CNTN1: variants seen among roughly 807,000 people sequenced by gnomAD.
The protein encoded by CNTN1 is contactin 1, also known as contactin-1.
Under a neutral mutation model 126.4 loss-of-function variants are expected in CNTN1, and 38 were observed. The observed-to-expected ratio is 0.30, with a 90% CI of 0.23 to 0.39. CNTN1 has a LOEUF of 0.39. Among genes scored for constraint, CNTN1 ranks in the 10% least tolerant of loss-of-function variants. The pLI, the probability that CNTN1 is intolerant of heterozygous loss-of-function variation, is 1.00. For synonymous variants in CNTN1, 413 were observed against 422.6 expected, an observed-to-expected ratio of 0.98 and a Z score of 0.28; for missense variants, 1,009 against 1,248.4, an observed-to-expected ratio of 0.81 and a Z score of 2.89.
At chr12:41,048,156 T>C (rs1029615420) in intron 23 of CNTN1, among the ~76,000 whole-genome samples, 2 of 152,190 alleles carry the variant, frequency 1.3e-5, no homozygotes, top group East Asian at 1.9e-4. Context: ...GCCTACACTT[T>C]CATGGCTAAA....
At position 40,865,432 on chromosome 12, in the gene CNTN1, A is replaced by G. The variant is rs562554122; in HGVS notation, c.-76-42925A>G. Among the ~76,000 whole-genome samples, 8 of 152,232 alleles carry G rather than the reference A, an allele frequency of 5.3e-5. No homozygotes were observed. In the East Asian group the frequency reaches 1.3e-3, roughly 26 times the overall value. The stretch of plus-strand genomic sequence containing the variant: ...GAAATTTTGGCCTAACTCGTGGTCA[A>G]AGATTTACTCCTATGCTTTCTTCCA... On this transcript the variant is annotated intron_variant, in intron 1 of 23. Coordinates refer to ENST00000551295, the MANE Select transcript of CNTN1 (RefSeq NM_001843.4).
chr12:40,955,465 G>T (rs1388852972), intron 14 of CNTN1, among the ~76,000 whole-genome samples: 1 of 151,834 alleles, frequency 6.6e-6, no homozygotes, highest in Non-Finnish European at 1.5e-5. Flanking sequence ...TATCATTCCT[G>T]GTAGTTTATC....
At chr12:40,693,111 A>G (rs997020929) in intron 1 of CNTN1, among the ~76,000 whole-genome samples, 4 of 151,918 alleles carry the variant, frequency 2.6e-5, no homozygotes, top group African/African-American at 9.7e-5. Flanking sequence ...TTGTCCCCTG[A>G]CCCCTCTGTT....
chr12:41,056,944 T>TTTAGATATTTATAAATATTATA (rs1949822038), intron 23 of CNTN1, among the ~76,000 whole-genome samples: 4 of 90,148 alleles, frequency 4.4e-5, no homozygotes, highest in Admixed American at 2.4e-4. Flanking sequence ...TAAATATTTA[T>TTTAGATATTTATAAATATTATA]AATATTTAGA....
chr12:40,918,879 G>A, intron 4 of CNTN1, 108 bp downstream of exon 4: 2 of 1,337,984 alleles, frequency 1.5e-6, no homozygotes, highest in East Asian at 4.6e-5. Flanking sequence ...CAAATTCCAT[G>A]GACATTAACA....
At chr12:41,027,694 TG>T (rs1447389032) in intron 21 of CNTN1, among the ~76,000 whole-genome samples, 162 bp from the exon 22 acceptor site, 1 of 152,150 alleles carries the variant, frequency 6.6e-6, no homozygotes, top group Admixed American at 6.5e-5. Context: ...AATGGACTCA[TG>T]GATGTAAAGT....
chr12:41,049,070 C>T (rs1301292762), intron 23 of CNTN1, among the ~76,000 whole-genome samples: 1 of 152,184 alleles, frequency 6.6e-6, no homozygotes, highest in Admixed American at 6.6e-5. Flanking sequence ...GCCACTTTCT[C>T]TTTCTTGGCT....
intron 20 of CNTN1, among the ~76,000 whole-genome samples, chr12:41,021,580 G>A (rs191207422): frequency 1.3e-5 from 2 of 150,912 alleles, no homozygotes; most frequent in East Asian, 2.0e-4. Flanking sequence ...TTTCTGAGAT[G>A]TAGCTGTAAA....
chr12:40,950,274 A>G (rs906087060), intron 14 of CNTN1, among the ~76,000 whole-genome samples: 4 of 152,166 alleles, frequency 2.6e-5, no homozygotes, highest in Admixed American at 2.0e-4. Context: ...TAAAAAAGAG[A>G]CTTAGCAATA....
intron 1 of CNTN1, among the ~76,000 whole-genome samples, chr12:40,835,703 CA>C (rs1277634604): frequency 6.6e-6 from 1 of 151,856 alleles, no homozygotes; most frequent in East Asian, 1.9e-4. Context: ...ATATTCTTTT[CA>C]AGTGAATTTT....
intron 1 of CNTN1, among the ~76,000 whole-genome samples, chr12:40,781,723 T>C (rs1180029449): frequency 2.0e-5 from 3 of 151,990 alleles, no homozygotes; most frequent in African/African-American, 7.2e-5. Context: ...CAAGTGAATA[T>C]AGCAGAATAA....
intron 1 of CNTN1, among the ~76,000 whole-genome samples, chr12:40,902,961 GAA>G (rs1944662137): frequency 6.6e-6 from 1 of 152,152 alleles, no homozygotes; most frequent in African/African-American, 2.4e-5. Flanking sequence ...ACAAGTAGAG[GAA>G]GAGAGAAGGA....
chr12:40,986,974 A>T (rs948965692), intron 16 of CNTN1, among the ~76,000 whole-genome samples: 2 of 152,078 alleles, frequency 1.3e-5, no homozygotes, highest in Non-Finnish European at 2.9e-5. Context: ...TTCTTTCATC[A>T]CTGTTCTACC....
At chr12:40,937,073 C>T (rs376523527) in intron 10 of CNTN1, among the ~76,000 whole-genome samples, 168 bp downstream of exon 10, 1 of 152,146 alleles carries the variant, frequency 6.6e-6, no homozygotes, top group East Asian at 1.9e-4. Flanking sequence ...TATCTTCTTT[C>T]AGTTTAAACA....
intron 3 of CNTN1, among the ~76,000 whole-genome samples, chr12:40,911,733 G>T (rs779610485): frequency 3.9e-4 from 59 of 152,008 alleles, no homozygotes; most frequent in Non-Finnish European, 2.9e-4. Flanking sequence ...GAGCATGCTT[G>T]TTTTTTTTCT....
intron 16 of CNTN1, among the ~76,000 whole-genome samples, chr12:40,986,546 A>G (rs763026701): frequency 2.0e-5 from 3 of 152,162 alleles, no homozygotes; most frequent in Non-Finnish European, 4.4e-5. Flanking sequence ...TGGACCCCAC[A>G]GAGGGCTCTT....
intron 1 of CNTN1, among the ~76,000 whole-genome samples, chr12:40,889,636 T>C (rs1944171331): frequency 6.6e-6 from 1 of 152,110 alleles, no homozygotes; most frequent in South Asian, 2.1e-4. Flanking sequence ...GTAATACTCA[T>C]CCTTAAAGAA....
intron 1 of CNTN1, among the ~76,000 whole-genome samples, chr12:40,722,992 G>A (rs1003840481): frequency 6.6e-5 from 10 of 151,852 alleles, no homozygotes; most frequent in African/African-American, 1.2e-4. Flanking sequence ...TTTCACTCTC[G>A]CCTTACTAGA....
chr12:40,799,493 G>A (rs1289678950), intron 1 of CNTN1, among the ~76,000 whole-genome samples: 1 of 151,894 alleles, frequency 6.6e-6, no homozygotes, highest in African/African-American at 2.4e-5. Context: ...TTTAAAATGT[G>A]TCCCATTTTT....
Sources: allele counts gnomAD v4.1 joint callset (sites outside exome capture counted in the v4.1 genomes callset), GRCh38; gene constraint gnomAD v4.1.1; transcripts MANE v1.5; gene names NCBI Gene and HGNC (gene_info 2026-07-23, HGNC 2026-07-21).